Variants in CPNE8 observed in about 807,000 individuals in gnomAD.
CPNE8 encodes the protein copine-8.
In CPNE8, 45 loss-of-function variants were observed where a neutral mutation model predicts 81.5. The ratio of observed to expected loss-of-function variants is 0.55; its 90% CI spans 0.44 to 0.71. CPNE8 has a LOEUF of 0.71. Among genes scored for constraint, CPNE8 ranks in the 30% least tolerant of loss-of-function variants. CPNE8 has a pLI of 0.00. For missense variants in CPNE8, 594 were observed against 672.1 expected (o/e 0.88, Z 1.28); for synonymous variants, 252 against 226.3 (o/e 1.11, Z -1.02).
At chr12:38,726,267 C>A (rs878974589) in intron 11 of CPNE8, 50 of 139,104 alleles carry the variant, frequency 3.6e-4, no homozygotes, top group African/African-American at 6.0e-4. Flanking sequence ...AACGGCTCAC[C>A]AAAAAAAAAA....
intron 9 of CPNE8, 68 bp downstream of exon 9, chr12:38,762,044 C>A: frequency 1.3e-6 from 1 of 749,708 alleles, no homozygotes. Flanking sequence ...ACTTATCCCA[C>A]TTCCTCAAAT....
At chr12:38,710,983 C>G (rs530560674) in intron 13 of CPNE8, among the ~76,000 whole-genome samples, 2 of 152,114 alleles carry the variant, frequency 1.3e-5, no homozygotes, top group Non-Finnish European at 2.9e-5. Flanking sequence ...AATTGCCCAC[C>G]ACTGTGAAAC....
intron 6 of CPNE8, among the ~76,000 whole-genome samples, chr12:38,786,991 C>A (rs1461739448): frequency 2.0e-5 from 3 of 152,026 alleles, no homozygotes. Context: ...AGAAACAGAT[C>A]CCAATACAAT....
In CPNE8 at chr12:38,665,876, T is replaced by A. The variant is rs1280949600; in HGVS notation, c.1506+4853A>T. 2.0e-5 allele frequency among the ~76,000 whole-genome samples: 3 copies of A among 152,124 alleles called. No homozygotes were observed. In the East Asian group the frequency reaches 5.8e-4, roughly 29 times the overall value. On this transcript the variant is annotated intron_variant, in intron 19 of 19. Transcript: ENST00000331366. ...ATAGTATAAACAGTAAGCAGGATGG[T>A]TATTATTCTAAAACTTAAGTAACTT...
intron 14 of CPNE8, among the ~76,000 whole-genome samples, chr12:38,699,357 C>A (rs943357095): frequency 6.6e-6 from 1 of 152,088 alleles, no homozygotes; most frequent in African/African-American, 2.4e-5. Flanking sequence ...TGCTAGTCAC[C>A]TTTTGTTAGT....
At chr12:38,795,867 G>GGATAGATAGATA (rs11377515) in intron 6 of CPNE8, among the ~76,000 whole-genome samples, 70,418 of 147,998 alleles carry the variant, frequency 0.48, 17,246 homozygotes, top group South Asian at 0.57. Context: ...ATGGATGGAT[G>GGATAGATAGATA]GATAGATAGA....
At chr12:38,851,099 C>A (rs530254862) in intron 3 of CPNE8, among the ~76,000 whole-genome samples, 1 of 152,330 alleles carries the variant, frequency 6.6e-6, no homozygotes, top group South Asian at 2.1e-4. Flanking sequence ...TGATCTTGGG[C>A]TTCCCAGACT....
At chr12:38,874,366 G>C (rs557940909) in intron 2 of CPNE8, 105 bp downstream of exon 2, 13 of 817,490 alleles carry the variant, frequency 1.6e-5, no homozygotes, top group Non-Finnish European at 2.5e-5. Flanking sequence ...CCATTCTCCT[G>C]TTGCTTTCTA....
intron 6 of CPNE8, among the ~76,000 whole-genome samples, chr12:38,827,206 T>G (rs1465809080): frequency 4.7e-5 from 7 of 147,654 alleles, no homozygotes; most frequent in Non-Finnish European, 1.0e-4. Flanking sequence ...ATAGCCAACG[T>G]GCATAGGAAA....
At chr12:38,720,350 A>G (rs911793469) in intron 13 of CPNE8, among the ~76,000 whole-genome samples, 2 of 152,218 alleles carry the variant, frequency 1.3e-5, no homozygotes, top group African/African-American at 4.8e-5. Flanking sequence ...GGAGAATGAG[A>G]GCAAACAATA....
chr12:38,863,670 A>G (rs535109686), intron 3 of CPNE8, among the ~76,000 whole-genome samples: 1 of 152,320 alleles, frequency 6.6e-6, no homozygotes, highest in East Asian at 1.9e-4. Context: ...TCAAGCATGT[A>G]TTTCACCTTC....
intron 19 of CPNE8, among the ~76,000 whole-genome samples, chr12:38,662,001 A>C (rs2202196): frequency 0.98 from 149,367 of 152,214 alleles, 73,341 homozygotes; most frequent in Middle Eastern, 1. Context: ...ATAGAAGGAA[A>C]ATACCTCAAC....
At chr12:38,673,447 C>T (rs545009630) in intron 18 of CPNE8, among the ~76,000 whole-genome samples, 5 of 151,974 alleles carry the variant, frequency 3.3e-5, no homozygotes, top group Admixed American at 3.3e-4. Context: ...TTTGACTAGT[C>T]AGAGATTTTT....
intron 13 of CPNE8, among the ~76,000 whole-genome samples, chr12:38,712,314 G>A (rs1009962255): frequency 3.3e-5 from 5 of 149,384 alleles, no homozygotes; most frequent in Non-Finnish European, 5.9e-5. Flanking sequence ...AACAATCCCC[G>A]CCCCTGCACC....
At chr12:38,704,608 G>A (rs1940040550) in intron 13 of CPNE8, among the ~76,000 whole-genome samples, 1 of 151,696 alleles carries the variant, frequency 6.6e-6, no homozygotes, top group South Asian at 2.1e-4. Flanking sequence ...TTAGCCTATA[G>A]TTGGGCAAAA....
chr12:38,806,043 A>G (rs1437236879), intron 6 of CPNE8, among the ~76,000 whole-genome samples: 1 of 150,416 alleles, frequency 6.6e-6, no homozygotes, highest in Admixed American at 6.6e-5. Context: ...CCCTCCCAAG[A>G]CTAAAGCAGG....
chr12:38,737,040 G>A (rs1940971959), intron 10 of CPNE8, among the ~76,000 whole-genome samples: 1 of 151,948 alleles, frequency 6.6e-6, no homozygotes, highest in South Asian at 2.1e-4. Flanking sequence ...TCTAGAAAAG[G>A]AAGTCTGTGT....
At chr12:38,859,975 G>A (rs774180445) in intron 3 of CPNE8, among the ~76,000 whole-genome samples, 1 of 152,052 alleles carries the variant, frequency 6.6e-6, no homozygotes, top group East Asian at 1.9e-4. Flanking sequence ...AAAACATAGG[G>A]TAAAAGTTTC....
chr12:38,827,785 C>T (rs1943222472), intron 6 of CPNE8, among the ~76,000 whole-genome samples: 1 of 151,966 alleles, frequency 6.6e-6, no homozygotes, highest in Non-Finnish European at 1.5e-5. Context: ...GTCATGGACA[C>T]AAAGAAGGAA....
Sources: allele counts gnomAD v4.1 joint callset (sites outside exome capture counted in the v4.1 genomes callset), GRCh38; gene constraint gnomAD v4.1.1; transcripts MANE v1.5; gene names NCBI Gene and HGNC (gene_info 2026-07-23, HGNC 2026-07-21).